The following AFG1L variants were observed in gnomAD, a reference collection of about 807,000 sequenced individuals.
AFG1L encodes the protein AFG1 like ATPase.
In AFG1L, 53 loss-of-function variants were observed where a neutral mutation model predicts 62.2. The observed-to-expected ratio is 0.85, with a 90% CI of 0.68 to 1.07. The LOEUF is 1.07. AFG1L is among the 50% of genes least tolerant of loss of function. The pLI is 0.00. For missense variants in AFG1L, 555 were observed against 590.5 expected, an observed-to-expected ratio of 0.94 and a Z score of 0.62; for synonymous variants, 228 against 210.3, an observed-to-expected ratio of 1.08 and a Z score of -0.73.
At chr6:108,465,851 T>A (rs1444931074) in intron 8 of AFG1L, among the ~76,000 whole-genome samples, 1 of 152,140 alleles carries the variant, frequency 6.6e-6, no homozygotes, top group African/African-American at 2.4e-5. Flanking sequence ...TAATTTAATT[T>A]AACTTTTTTA....
chr6:108,362,255 T>G (rs1779569305), intron 5 of AFG1L, among the ~76,000 whole-genome samples: 1 of 152,232 alleles, frequency 6.6e-6, no homozygotes, highest in African/African-American at 2.4e-5. Flanking sequence ...TAATTTGTAT[T>G]CCTTTAGGAA....
chr6:108,319,794 ATTATTTAT>A (rs767821334), intron 1 of AFG1L: 3 of 436,150 alleles, frequency 6.9e-6, no homozygotes, highest in Admixed American at 4.8e-5. Flanking sequence ...AAAATTAGGT[ATTATTTAT>A]TTATTTATTT....
At chr6:108,327,857 T>C (rs1459227699) in intron 2 of AFG1L, among the ~76,000 whole-genome samples, 1 of 152,208 alleles carries the variant, frequency 6.6e-6, no homozygotes, top group East Asian at 1.9e-4. Context: ...TTCATCCCTG[T>C]TTGGGCAGAG....
At chr6:108,486,008 T>A (rs1053564031) in intron 10 of AFG1L, among the ~76,000 whole-genome samples, 1 of 152,040 alleles carries the variant, frequency 6.6e-6, no homozygotes, top group Non-Finnish European at 1.5e-5. Flanking sequence ...TGTTTTTAAT[T>A]TAAAGATAAA....
chr6:108,383,244 A>AT lies in AFG1L; in HGVS notation c.748+16913dup, dbSNP rs1203241952. On this transcript the variant is annotated intron_variant, in intron 6 of 12. Coordinates refer to ENST00000368977, the MANE Select transcript of AFG1L (RefSeq NM_145315.5). ...CGAGTCTGTCTGAGTACATAAATAA[A>AT]TAAATTAAATTAAATTAAAAAGGTG... 2.0e-5 allele frequency among the ~76,000 whole-genome samples: 3 copies of AT among 152,212 alleles called. 1 individual carries two copies. The highest frequency in any genetic ancestry group is 4.1e-4 in the South Asian group (2 of 4,832).
chr6:108,422,979 T>C (rs1443933034), intron 7 of AFG1L, among the ~76,000 whole-genome samples: 1 of 152,068 alleles, frequency 6.6e-6, no homozygotes, highest in Non-Finnish European at 1.5e-5. Flanking sequence ...TGATTTGAAC[T>C]CTGAAAGGCA....
At chr6:108,454,439 G>A (rs1772174880) in intron 8 of AFG1L, among the ~76,000 whole-genome samples, 1 of 152,150 alleles carries the variant, frequency 6.6e-6, no homozygotes, top group African/African-American at 2.4e-5. Context: ...GATCCCATTA[G>A]ATCACCTTTG....
intron 10 of AFG1L, among the ~76,000 whole-genome samples, chr6:108,483,251 G>A (rs1291776973): frequency 6.6e-6 from 1 of 152,118 alleles, no homozygotes; most frequent in Non-Finnish European, 1.5e-5. Flanking sequence ...TGTGATTTGT[G>A]TTAATTTGAT....
intron 6 of AFG1L, among the ~76,000 whole-genome samples, chr6:108,397,368 T>C (rs371275371): frequency 3.5e-4 from 53 of 152,316 alleles, no homozygotes; most frequent in South Asian, 2.1e-3. Flanking sequence ...CCTCAGGTGA[T>C]CCACGCCCCC....
intron 2 of AFG1L, among the ~76,000 whole-genome samples, chr6:108,327,075 T>C (rs1444611918): frequency 6.6e-6 from 1 of 152,206 alleles, no homozygotes; most frequent in Non-Finnish European, 1.5e-5. Context: ...AGGGAGACCC[T>C]GTCTCTACAA....
chr6:108,410,768 T>C (rs116257641), intron 7 of AFG1L, among the ~76,000 whole-genome samples: 73 of 152,266 alleles, frequency 4.8e-4, no homozygotes, highest in African/African-American at 7.9e-4. Context: ...ACTTCTGTAA[T>C]TGAGTTAACT....
At chr6:108,435,080 G>A (rs1056624487) in intron 7 of AFG1L, among the ~76,000 whole-genome samples, 1 of 152,110 alleles carries the variant, frequency 6.6e-6, no homozygotes, top group African/African-American at 2.4e-5. Flanking sequence ...CAGTAAAGGA[G>A]GGATCCCCAA....
At chr6:108,449,659 G>T (rs1037676408) in intron 8 of AFG1L, among the ~76,000 whole-genome samples, 2 of 152,004 alleles carry the variant, frequency 1.3e-5, no homozygotes, top group Non-Finnish European at 1.5e-5. Context: ...CTGCAGGTTT[G>T]TTACATATAT....
intron 6 of AFG1L, among the ~76,000 whole-genome samples, chr6:108,387,190 G>A (rs978658015): frequency 2.0e-5 from 3 of 152,244 alleles, no homozygotes; most frequent in Non-Finnish European, 4.4e-5. Context: ...ATTAGTGCCA[G>A]ATTAAATAAA....
intron 2 of AFG1L, among the ~76,000 whole-genome samples, chr6:108,344,166 G>T (rs1330510385): frequency 6.6e-6 from 1 of 152,140 alleles, no homozygotes; most frequent in African/African-American, 2.4e-5. Context: ...CAGGCTGGGT[G>T]CAGTGGTGTG....
intron 10 of AFG1L, among the ~76,000 whole-genome samples, chr6:108,491,254 T>C (rs1429155795): frequency 6.6e-6 from 1 of 152,192 alleles, no homozygotes; most frequent in East Asian, 1.9e-4. Flanking sequence ...AAGTCAACAC[T>C]CAGCCTTCTA....
intron 2 of AFG1L, among the ~76,000 whole-genome samples, chr6:108,336,551 T>C (rs1778483705): frequency 6.6e-6 from 1 of 152,176 alleles, no homozygotes; most frequent in South Asian, 2.1e-4. Context: ...TCAAAATATT[T>C]GGAATGATGG....
rs1582704183 is a variant in AFG1L, at chr6:108,524,387, A to ACTG, written c.*1962_*1963insCTG. The stretch of plus-strand genomic sequence containing the variant: ...GTCCCTGAGTGTGAGTGTATGTAGA[A>ACTG]GAGTCCCCCTGTCAAGTTATGTTAT... On this transcript the variant is annotated 3_prime_UTR_variant, in exon 13 of 13. Transcript: ENST00000368977. 6.6e-6 allele frequency: 1 copy of ACTG among 152,330 alleles called. No homozygotes were observed. The highest frequency in any genetic ancestry group is 1.9e-4 in the East Asian group (1 of 5,184). The allele number at this position is 152,330 out of a possible 1,614,324, so 9.4% of individuals were successfully genotyped here. A position where few individuals can be genotyped will look rare whatever the true frequency, so the allele number is the denominator to read the frequency against.
chr6:108,478,822 C>A (rs6932917), intron 10 of AFG1L, among the ~76,000 whole-genome samples: 7 of 151,996 alleles, frequency 4.6e-5, no homozygotes, highest in Non-Finnish European at 8.8e-5. Context: ...AAAATATGCT[C>A]ATTGTTTTAG....
Sources: gnomAD v4.1 joint callset for allele counts (sites outside exome capture counted in the v4.1 genomes callset) on GRCh38, gnomAD v4.1.1 for gene constraint, MANE v1.5 for transcripts, NCBI Gene and HGNC (gene_info 2026-07-23, HGNC 2026-07-21) for gene names.